Variants in DISC1 observed in about 807,000 individuals in gnomAD.
DISC1 encodes the protein DISC1 scaffold protein, also known as disrupted in schizophrenia 1 protein.
DISC1 carries 57 observed loss-of-function variants against 84.5 expected under a neutral mutation model. The observed-to-expected ratio is 0.67, with a 90% CI of 0.55 to 0.84. The LOEUF is 0.84. DISC1 is among the 40% of genes least tolerant of loss of function. The probability of loss-of-function intolerance (pLI) is 0.00; values close to 1 mark genes in which losing one functional copy is unlikely to be tolerated. For synonymous variants in DISC1, 411 were observed against 415.2 expected (o/e 0.99, Z 0.12); for missense variants, 1,000 against 1,057.8 (o/e 0.95, Z 0.76).
chr1:231,700,260 C>G (rs2066248039), intron 2 of DISC1, among the ~76,000 whole-genome samples: 1 of 152,168 alleles, frequency 6.6e-6, no homozygotes, highest in Admixed American at 6.5e-5. Flanking sequence ...CCTCTGCCAC[C>G]TCTGAGACAG....
intron 10 of DISC1, among the ~76,000 whole-genome samples, chr1:231,967,691 G>C (rs1048275777): frequency 6.6e-6 from 1 of 152,260 alleles, no homozygotes; most frequent in South Asian, 2.1e-4. Flanking sequence ...TACCTTATCA[G>C]TTTGAAATGC....
At chr1:231,693,793 T>C in intron 1 of DISC1, 33 bp from the exon 2 acceptor site, 1 of 1,611,904 alleles carries the variant, frequency 6.2e-7, no homozygotes, top group Middle Eastern at 2.2e-4. Flanking sequence ...AAGATCTGCA[T>C]GTTTATGGTG....
chr1:231,809,209 A>G (rs754523463), intron 8 of DISC1, among the ~76,000 whole-genome samples: 4 of 152,204 alleles, frequency 2.6e-5, no homozygotes, highest in African/African-American at 9.7e-5. Context: ...ATGCCTGGGC[A>G]GCTGTGTCAT....
intron 9 of DISC1, among the ~76,000 whole-genome samples, chr1:231,886,327 C>T (rs1375826863): frequency 2.6e-5 from 4 of 152,122 alleles, no homozygotes; most frequent in Non-Finnish European, 5.9e-5. Context: ...TTATGGTTTG[C>T]TAGTGGTAAA....
chr1:231,658,455 T>C (rs944348944), intron 1 of DISC1, among the ~76,000 whole-genome samples: 1 of 152,202 alleles, frequency 6.6e-6, no homozygotes, highest in African/African-American at 2.4e-5. Flanking sequence ...CTCTTCCTAT[T>C]TGAACACCCT....
intron 11 of DISC1, among the ~76,000 whole-genome samples, chr1:232,017,483 T>C (rs1316923040): frequency 3.5e-5 from 2 of 56,494 alleles, no homozygotes; most frequent in African/African-American, 8.4e-5. Flanking sequence ...ACCTGTCCTT[T>C]TTTTTTTTTT....
intron 1 of DISC1, among the ~76,000 whole-genome samples, chr1:231,635,510 C>T (rs201062373): frequency 1.9e-4 from 29 of 152,276 alleles, no homozygotes; most frequent in Non-Finnish European, 3.1e-4. Context: ...TGGATATAAC[C>T]TGTTTTTCTG....
intron 9 of DISC1, among the ~76,000 whole-genome samples, chr1:231,902,227 T>C (rs1358883764): frequency 6.6e-6 from 1 of 152,040 alleles, no homozygotes; most frequent in Non-Finnish European, 1.5e-5. Context: ...TCATAGTGGG[T>C]GATAGCATAG....
At chr1:231,773,889 T>C (rs1479094813) in intron 6 of DISC1, among the ~76,000 whole-genome samples, 1 of 152,098 alleles carries the variant, frequency 6.6e-6, no homozygotes, top group Non-Finnish European at 1.5e-5. Context: ...GTTTTTGTGC[T>C]GAGGTGACTA....
intron 1 of DISC1, among the ~76,000 whole-genome samples, chr1:231,659,549 A>G (rs1205528940): frequency 6.6e-6 from 1 of 151,716 alleles, no homozygotes; most frequent in Non-Finnish European, 1.5e-5. Flanking sequence ...TTGGTTCTCT[A>G]GTTCTTTAGT....
intron 9 of DISC1, among the ~76,000 whole-genome samples, chr1:231,825,433 T>C (rs775379592): frequency 4.6e-5 from 7 of 152,242 alleles, no homozygotes; most frequent in Non-Finnish European, 1.0e-4. Context: ...AGTCTCTTTG[T>C]ACATTTCATA....
In DISC1 at chr1:232,009,392, A is replaced by G; in HGVS notation, c.2307+343A>G. 4.0e-6 allele frequency: 3 copies of G among 751,622 alleles called. No individual in the cohort carries two copies. Among genetic ancestry groups the G allele is most frequent in the Non-Finnish European group, 4.9e-6 (3 of 606,540 alleles). 46.6% of individuals were successfully genotyped at this position (751,622 alleles called of 1,614,324 possible). On this transcript the variant is annotated intron_variant, in intron 11 of 12. Transcript: ENST00000439617. This position sits in a 1 kb window ranked among gnomAD's most constrained non-coding sequence, Gnocchi z 4.6. ...ATAGTTATTATATTCACTATAGATT[A>G]TATATGCCATACATGATATTTAACA...
chr1:231,988,528 C>T (rs1013185010), intron 10 of DISC1, among the ~76,000 whole-genome samples: 8 of 152,176 alleles, frequency 5.3e-5, no homozygotes, highest in African/African-American at 1.9e-4. Context: ...CTGATTAGCG[C>T]CTGTATAAAA....
Position 232,007,024 on chromosome 1 carries a change from G to A in DISC1, c.2043-1761G>A, listed in dbSNP as rs145378603. Among the ~76,000 whole-genome samples the A allele has an allele frequency of 3.4e-3, 512 of 152,306 alleles. 4 individuals are homozygous for A. The highest frequency in any genetic ancestry group is 0.011 in the African/African-American group (458 of 41,568). ...GCCTTGGAGGCTTACATGTGGTGTT[G>A]GACCTGTGAGTGCACAGAAGTCAAG... is the stretch of plus-strand genomic sequence containing the variant. On this transcript the variant is annotated intron_variant, in intron 10 of 12. Coordinates refer to ENST00000439617, the MANE Select transcript of DISC1 (RefSeq NM_018662.3).
intron 9 of DISC1, among the ~76,000 whole-genome samples, chr1:231,916,654 CAAAAAAAAAAA>C (rs3083755): frequency 2.0e-5 from 2 of 102,084 alleles, no homozygotes; most frequent in Non-Finnish European, 4.3e-5. Context: ...GACTCCGTCT[CAAAAAAAAAAA>C]AAAAAAAAGA....
At chr1:231,662,512 G>A (rs531076901) in intron 1 of DISC1, among the ~76,000 whole-genome samples, 10 of 152,182 alleles carry the variant, frequency 6.6e-5, no homozygotes, top group South Asian at 4.1e-4. Context: ...CCCACTTAAC[G>A]AAGCAATCTG....
chr1:231,847,599 C>T (rs1312802486), intron 9 of DISC1, among the ~76,000 whole-genome samples: 1 of 152,202 alleles, frequency 6.6e-6, no homozygotes, highest in East Asian at 1.9e-4. Flanking sequence ...CGCTCCTTCA[C>T]ATGCTGGAAC....
intron 1 of DISC1, among the ~76,000 whole-genome samples, chr1:231,658,098 C>T (rs560798604): frequency 6.6e-6 from 1 of 152,304 alleles, no homozygotes; most frequent in African/African-American, 2.4e-5. Context: ...GATATTGATT[C>T]TTCCTGTTCA....
In DISC1 at chr1:231,630,928, A is replaced by G. The variant is rs2058659273; in HGVS notation, c.67+3994A>G. Among the ~76,000 whole-genome samples the G allele has an allele frequency of 6.6e-6, 1 of 152,160 alleles. No homozygotes were observed. Among genetic ancestry groups the G allele is most frequent in the Non-Finnish European group, 1.5e-5 (1 of 68,024 alleles). The stretch of plus-strand genomic sequence containing the variant: ...TGAAATACTGACATTTAGCTGTAGA[A>G]GGTAGGCAGGGGCTCACATGGTGTG... On this transcript the variant is annotated intron_variant, in intron 1 of 12. Transcript: ENST00000439617. This position sits in a 1 kb window ranked among gnomAD's most constrained non-coding sequence, Gnocchi z 4.4.
Sources: gnomAD v4.1 joint callset for allele counts (sites outside exome capture counted in the v4.1 genomes callset) on GRCh38, gnomAD v4.1.1 for gene constraint, Gnocchi (gnomAD v3.1) non-coding constraint, MANE v1.5 for transcripts, NCBI Gene and HGNC (gene_info 2026-07-23, HGNC 2026-07-21) for gene names.